The following CATSPERG variants were observed in gnomAD, a reference collection of about 807,000 sequenced individuals.
The protein encoded by CATSPERG is catsper channel auxiliary subunit gamma, also known as cation channel sperm-associated auxiliary subunit gamma.
In CATSPERG, 115 loss-of-function variants were observed where a neutral mutation model predicts 145.0. The ratio of observed to expected loss-of-function variants is 0.79; its 90% CI spans 0.68 to 0.93. The LOEUF (loss-of-function observed/expected upper bound fraction) is 0.93, where lower values mean the gene tolerates loss of function less well. Among genes scored for constraint, CATSPERG ranks in the 40% least tolerant of loss-of-function variants. CATSPERG has a pLI of 0.00. For missense variants in CATSPERG, 1,296 were observed against 1,490.1 expected (o/e 0.87, Z 2.14); for synonymous variants, 588 against 589.0 (o/e 1.00, Z 0.02).
intron 3 of CATSPERG, among the ~76,000 whole-genome samples, chr19:38,339,193 C>T (rs552123320): frequency 1.3e-5 from 2 of 152,316 alleles, no homozygotes; most frequent in South Asian, 4.1e-4. Context: ...TTAGCATTTG[C>T]TCTGCTGCTT....
At chr19:38,352,477 G>A in intron 8 of CATSPERG, 45 bp downstream of exon 8, 1 of 1,537,900 alleles carries the variant, frequency 6.5e-7, no homozygotes, top group Non-Finnish European at 8.8e-7. Flanking sequence ...GGGCACCCTG[G>A]TGAACCCCTC....
At chr19:38,346,635 G>A (rs2145073913) in intron 7 of CATSPERG, 30 bp downstream of exon 7, 1 of 1,532,740 alleles carries the variant, frequency 6.5e-7, no homozygotes, top group South Asian at 1.2e-5. Context: ...TGGTGGGCGG[G>A]GCGTCTTGGA....
At chr19:38,361,467 A>T (rs1373570472) in intron 16 of CATSPERG, among the ~76,000 whole-genome samples, 181 bp from the exon 17 acceptor site, 2 of 151,870 alleles carry the variant, frequency 1.3e-5, no homozygotes, top group Non-Finnish European at 2.9e-5. Flanking sequence ...TCAGGGATCA[A>T]GGGAGGGACG....
At chr19:38,352,144 G>T in intron 7 of CATSPERG, 117 bp from the exon 8 acceptor site, 1 of 998,528 alleles carries the variant, frequency 1.0e-6, no homozygotes, top group South Asian at 1.6e-5. Flanking sequence ...GAGCGCCCTG[G>T]GGCAGCTACA....
chr19:38,360,490 TCTGGTAC>T lies in CATSPERG; in HGVS notation c.1613_1619del (p.Trp538SerfsTer23). The T allele has an allele frequency of 7.4e-6, 12 of 1,613,980 alleles. No homozygotes were observed. The highest frequency in any genetic ancestry group is 1.0e-5 in the Non-Finnish European group (12 of 1,179,970). The stretch of plus-strand genomic sequence containing the variant: ...CACATCCGGCTGTCATACCCGCAGA[TCTGGTAC>T]CTCCTGGAGGGCAGCTACCGGGTCT... On this transcript the variant is annotated frameshift_variant and splice_region_variant, in exon 15 of 29. Coordinates refer to ENST00000409235, the MANE Select transcript of CATSPERG (RefSeq NM_021185.5). LOFTEE classifies it high-confidence loss of function.
rs770653802 is a variant in CATSPERG at position 38,356,492 on chromosome 19, G to A, written c.1144G>A (p.Val382Met). ...VHFGTIRDGQ[V>M]SFEMLPRQWS... ...CCGACCTTGCTCTGCAGATGGCCAGGTGTCCTTTGAGATGCTGCCCAGGCA... is the reference window on the plus strand; with the variant it reads ...CCGACCTTGCTCTGCAGATGGCCAGATGTCCTTTGAGATGCTGCCCAGGCA... Residue 382 changes from valine to methionine, a missense_variant, in exon 10 of 29, where the codon GTG becomes ATG. By Grantham distance (21) the Val-to-Met change is conservative. Transcript: ENST00000409235. 3.3e-5 allele frequency: 54 copies of A among 1,613,956 alleles called. No homozygotes were observed. The highest frequency in any genetic ancestry group is 4.4e-5 in the Non-Finnish European group (52 of 1,179,990).
In CATSPERG at chr19:38,356,739, C is replaced by T; in HGVS notation, c.1196-3C>T. Reference sequence around the variant, plus strand: ...GGCTCTGGACTGCCCCTTTCCCTCTCAGTTACCACCTGCTCCATAATTTGG... The same window carrying T: ...GGCTCTGGACTGCCCCTTTCCCTCTTAGTTACCACCTGCTCCATAATTTGG... On this transcript the variant is annotated splice_region_variant and splice_polypyrimidine_tract_variant and intron_variant, in intron 10 of 28. Coordinates refer to ENST00000409235, the MANE Select transcript of CATSPERG (RefSeq NM_021185.5). 2 of 1,613,962 alleles carry T rather than the reference C, an allele frequency of 1.2e-6. No homozygotes were observed. The highest frequency in any genetic ancestry group is 1.3e-5 in the African/African-American group (1 of 75,036).
Position 38,362,738 on chromosome 19 carries a change from A to T in CATSPERG, c.2381A>T (p.Gln794Leu). The T allele has an allele frequency of 6.2e-7, 1 of 1,614,178 alleles. No individual in the cohort carries two copies. Among genetic ancestry groups the T allele is most frequent in the Non-Finnish European group, 8.5e-7 (1 of 1,180,016 alleles). ...GGCACCGCCTTCCAGCTGCATAGCCAGGTGGACGTGGGCGTGGTGCTGGCC... is the reference window on the plus strand; with the variant it reads ...GGCACCGCCTTCCAGCTGCATAGCCTGGTGGACGTGGGCGTGGTGCTGGCC... ...ELGTAFQLHSQVDVGVVLADP... is the reference protein window; with the variant it reads ...ELGTAFQLHSLVDVGVVLADP... Residue 794 changes from glutamine to leucine, a missense_variant, in exon 20 of 29, where the codon CAG becomes CTG. Gln to Leu is a moderately radical substitution (Grantham distance 113). Transcript: ENST00000409235.
chr19:38,344,212 G>A (rs1273436061), intron 5 of CATSPERG, 84 bp from the exon 6 acceptor site: 1 of 1,541,306 alleles, frequency 6.5e-7, no homozygotes, highest in Non-Finnish European at 8.8e-7. Flanking sequence ...CCAAGGGAGA[G>A]AATGGGGAGA....
chr19:38,360,867 A>G, intron 16 of CATSPERG, 24 bp downstream of exon 16: 1 of 1,557,792 alleles, frequency 6.4e-7, no homozygotes, highest in South Asian at 1.1e-5. Flanking sequence ...GGACCATGAC[A>G]GGGGTCTGAG....
intron 1 of CATSPERG, chr19:38,336,887 A>T (rs1328439673): frequency 7.2e-6 from 3 of 419,232 alleles, no homozygotes; most frequent in Non-Finnish European, 8.9e-6. Context: ...GGCCAGAAAC[A>T]TTAGTAGGGC....
chr19:38,344,519 G>C (rs770286085), intron 6 of CATSPERG, 151 bp downstream of exon 6: 107 of 699,020 alleles, frequency 1.5e-4, no homozygotes, highest in Non-Finnish European at 2.5e-4. Flanking sequence ...CCAGTGACCT[G>C]TCGAGGGGAC....
In CATSPERG at chr19:38,344,856, GACAC is replaced by G. The variant is rs34101460; in HGVS notation, c.669+512_669+515del. Reference sequence around the variant, plus strand: ...ATATGTATATACCTGTACATGAACAGACACACACACACACACACACACACACATA... The same window carrying G: ...ATATGTATATACCTGTACATGAACAGACACACACACACACACACACACATA... On this transcript the variant is annotated intron_variant, in intron 6 of 28. Transcript: ENST00000409235. Among the ~76,000 whole-genome samples the G allele has an allele frequency of 1.9e-3, 172 of 92,342 alleles. 7 individuals are homozygous for G. The highest frequency in any genetic ancestry group is 4.7e-3 in the East Asian group (12 of 2,558). The allele number at this position is 92,342 out of a possible 152,430, so 60.6% of individuals were successfully genotyped here.
chr19:38,354,593 G>C (rs1445474464), intron 8 of CATSPERG, 117 bp from the exon 9 acceptor site: 6 of 1,217,404 alleles, frequency 4.9e-6, no homozygotes, highest in Non-Finnish European at 6.9e-6. Context: ...ACACTGAACG[G>C]GTGCTTCAGC....
At chr19:38,359,421 G>A in intron 13 of CATSPERG, 49 bp from the exon 14 acceptor site, 2 of 1,224,036 alleles carry the variant, frequency 1.6e-6, no homozygotes, top group Non-Finnish European at 2.4e-6. Context: ...TGGGATTGGG[G>A]GAAGCGGCTG....
At position 38,368,119 on chromosome 19, in the gene CATSPERG, A is replaced by C; in HGVS notation, c.3002A>C (p.His1001Pro). 1 of 1,614,132 alleles carries C rather than the reference A, an allele frequency of 6.2e-7. No homozygotes were observed. The highest frequency in any genetic ancestry group is 8.5e-7 in the Non-Finnish European group (1 of 1,180,020). ...TKDSAFHIMSHESPGIEWLCL... is the reference protein window; with the variant it reads ...TKDSAFHIMSPESPGIEWLCL... ...GACTCAGCCTTTCACATCATGTCCC[A>C]CGAGAGCCCAGGCATCGAGTGAGTG... Residue 1001 changes from histidine (H) to proline (P), a missense_variant, in exon 26 of 29, where the codon CAC becomes CCC. Physicochemically the swap from His to Pro is moderately conservative, Grantham distance 77. Coordinates refer to ENST00000409235, the MANE Select transcript of CATSPERG (RefSeq NM_021185.5).
rs867084824 is a variant in CATSPERG, at chr19:38,370,860, A to G, written c.*68A>G. 2 of 1,525,184 alleles carry G rather than the reference A, an allele frequency of 1.3e-6. No homozygotes were observed. Among genetic ancestry groups the G allele is most frequent in the Non-Finnish European group, 1.8e-6 (2 of 1,110,066 alleles). 94.5% of individuals were successfully genotyped at this position (1,525,184 alleles called of 1,614,324 possible). On this transcript the variant is annotated 3_prime_UTR_variant, in exon 29 of 29. Coordinates refer to ENST00000409235, the MANE Select transcript of CATSPERG (RefSeq NM_021185.5). ...TTATGAGGCCCATCTTGAAGATGCA[A>G]CCTGTCACCCAGCCCAGGCCTCTCT...
chr19:38,370,392 A>G (rs1970526138), intron 28 of CATSPERG, 134 bp downstream of exon 28: 1 of 1,409,948 alleles, frequency 7.1e-7, no homozygotes, highest in Admixed American at 1.7e-5. Flanking sequence ...CTGCCATGCC[A>G]CAGGCTGTCT....
intron 28 of CATSPERG, 72 bp downstream of exon 28, chr19:38,370,330 C>G (rs1970525068): frequency 1.4e-6 from 2 of 1,472,764 alleles, no homozygotes; most frequent in South Asian, 2.3e-5. Context: ...GCTTGTTATA[C>G]CTTCGCTCAT....
Sources: allele counts gnomAD v4.1 joint callset (sites outside exome capture counted in the v4.1 genomes callset), GRCh38; gene constraint gnomAD v4.1.1; transcripts MANE v1.5; gene names NCBI Gene and HGNC (gene_info 2026-07-23, HGNC 2026-07-21).